NRK: variants seen among roughly 807,000 people sequenced by gnomAD.
NRK encodes nik-related protein kinase.
A neutral mutation model predicts 125.2 loss-of-function variants in NRK; 67 were observed. The observed-to-expected ratio is 0.54, with a 90% confidence interval of 0.44 to 0.66. The LOEUF is 0.66. Among genes scored for constraint, NRK ranks in the 30% least tolerant of loss-of-function variants. The probability of loss-of-function intolerance (pLI) is 0.00; values close to 1 mark genes in which losing one functional copy is unlikely to be tolerated. For missense variants in NRK, 1,224 were observed against 1,192.9 expected (o/e 1.03, Z -0.38); for synonymous variants, 458 against 429.0 (o/e 1.07, Z -0.84).
rs185704384 is a variant in NRK, at chrX:105,923,468, G to A, written c.2961G>A (p.Ala987=). ...VDDVNNNYYE[A]PSCPRASYGR... is the part of the protein sequence containing the mutation. Reference sequence around the variant, plus strand: ...ATGTAAATAATAATTATTATGAGGCGCCTAGTTGTCCAAGGTTGGTTTTTT... The same window carrying A: ...ATGTAAATAATAATTATTATGAGGCACCTAGTTGTCCAAGGTTGGTTTTTT... Residue 987 remains alanine (A), a synonymous_variant, in exon 18 of 29, where the codon GCG becomes GCA. Coordinates refer to ENST00000243300, the MANE Select transcript of NRK (RefSeq NM_198465.4). The A allele has an allele frequency of 2.2e-4, 244 of 1,125,155 alleles. No homozygotes were observed. The African/African-American group carries it at 3.9e-3, about 18-fold the overall frequency. The allele number at this position is 1,125,155 out of a possible 1,213,427, so 92.7% of individuals were successfully genotyped here. A position where few individuals can be genotyped will look rare whatever the true frequency, so the allele number is the denominator to read the frequency against.
rs779457216 is a variant in NRK, at chrX:105,874,316, C to A, written c.124-5883C>A. 4.5e-5 allele frequency among the ~76,000 whole-genome samples: 5 copies of A among 112,245 alleles called. No homozygotes were observed. The South Asian group carries it at 1.8e-3, about 41-fold the overall frequency. ...AAACAAAAGTGGAAATCTTCAAATGCTGTGTGCCCAAAGGAAGTAGGGGCT... is the reference window on the plus strand; with the variant it reads ...AAACAAAAGTGGAAATCTTCAAATGATGTGTGCCCAAAGGAAGTAGGGGCT... On this transcript the variant is annotated intron_variant, in intron 2 of 28. Coordinates refer to ENST00000243300, the MANE Select transcript of NRK (RefSeq NM_198465.4).
intron 5 of NRK, 71 bp from the exon 6 acceptor site, chrX:105,893,761 G>T (rs999709983): frequency 1.1e-5 from 7 of 623,008 alleles, no homozygotes; most frequent in Non-Finnish European, 1.8e-5. Flanking sequence ...CAAGCCATAT[G>T]GACTAAAACT....
intron 1 of NRK, among the ~76,000 whole-genome samples, chrX:105,825,765 T>G: frequency 9.0e-6 from 1 of 111,023 alleles, no homozygotes; most frequent in East Asian, 2.8e-4. Context: ...AGAGACAAAA[T>G]AAGAGAGCCA....
chrX:105,906,297 A>C, intron 10 of NRK, 117 bp from the exon 11 acceptor site: 1 of 374,523 alleles, frequency 2.7e-6, no homozygotes, highest in Middle Eastern at 4.1e-4. Flanking sequence ...GAAGACAATA[A>C]TACCTAAAGG....
chrX:105,853,583 C>G (rs1251808445), intron 2 of NRK, among the ~76,000 whole-genome samples: 1 of 111,882 alleles, frequency 8.9e-6, no homozygotes, highest in African/African-American at 3.3e-5. Context: ...CTTGAATATT[C>G]CAGGAAGGGG....
chrX:105,929,169 T>A (rs2040562285), intron 19 of NRK, among the ~76,000 whole-genome samples: 1 of 111,760 alleles, frequency 8.9e-6, no homozygotes, highest in Non-Finnish European at 1.9e-5. Flanking sequence ...TACTCTAGTG[T>A]TTGGTCCATA....
intron 20 of NRK, among the ~76,000 whole-genome samples, chrX:105,934,797 A>G (rs1201132046): frequency 4.5e-5 from 5 of 112,208 alleles, no homozygotes; most frequent in Non-Finnish European, 9.4e-5. Flanking sequence ...AAATACAATA[A>G]AAGGAAAGAA....
At chrX:105,891,800 A>C in intron 5 of NRK, among the ~76,000 whole-genome samples, 1 of 112,147 alleles carries the variant, frequency 8.9e-6, no homozygotes, top group South Asian at 3.7e-4. Context: ...ATAGACCTTC[A>C]GCTTAACTCT....
At chrX:105,852,535 G>A (rs2039485264) in intron 2 of NRK, among the ~76,000 whole-genome samples, 1 of 111,704 alleles carries the variant, frequency 9.0e-6, no homozygotes, top group African/African-American at 3.3e-5. Flanking sequence ...GTTGCTCTTT[G>A]GTTGGATAAC....
chrX:105,884,892 G>A (rs1161935417), intron 4 of NRK, among the ~76,000 whole-genome samples: 1 of 112,082 alleles, frequency 8.9e-6, no homozygotes, highest in Admixed American at 9.5e-5. Flanking sequence ...CTGGGTTCAA[G>A]TGGTTCTCCT....
At chrX:105,903,526 A>AT (rs1425900883) in intron 9 of NRK, among the ~76,000 whole-genome samples, 1 of 111,946 alleles carries the variant, frequency 8.9e-6, no homozygotes, top group East Asian at 2.8e-4. Flanking sequence ...AGATAATGTG[A>AT]TTTTTAAGGG....
intron 25 of NRK, 93 bp downstream of exon 25, chrX:105,946,108 T>C (rs2040809437): frequency 2.2e-6 from 2 of 895,636 alleles, no homozygotes; most frequent in Non-Finnish European, 3.1e-6. Flanking sequence ...ACTCAATATT[T>C]TGAAGCTATT....
At chrX:105,857,431 G>C (rs981249569) in intron 2 of NRK, among the ~76,000 whole-genome samples, 1 of 111,724 alleles carries the variant, frequency 9.0e-6, no homozygotes, top group Non-Finnish European at 1.9e-5. Flanking sequence ...AACCAATCAG[G>C]AGAGGAATAA....
chrX:105,829,764 G>C (rs956521690), intron 1 of NRK, among the ~76,000 whole-genome samples: 2 of 111,541 alleles, frequency 1.8e-5, no homozygotes, highest in African/African-American at 6.5e-5. Flanking sequence ...CAGGTATTTA[G>C]CAGATGCAAA....
chrX:105,862,525 G>A (rs920913044), intron 2 of NRK, among the ~76,000 whole-genome samples: 4 of 111,916 alleles, frequency 3.6e-5, no homozygotes. Context: ...TTTCCAAAAT[G>A]AAGAAATACA....
intron 2 of NRK, among the ~76,000 whole-genome samples, chrX:105,858,855 G>A (rs1230266904): frequency 8.9e-6 from 1 of 111,913 alleles, no homozygotes; most frequent in Non-Finnish European, 1.9e-5. Context: ...TTGAAGTGAT[G>A]TATCAGGTTG....
chrX:105,847,919 T>G (rs2039422568), intron 2 of NRK, among the ~76,000 whole-genome samples: 1 of 111,769 alleles, frequency 8.9e-6, no homozygotes, highest in Non-Finnish European at 1.9e-5. Flanking sequence ...TTCACAAAAC[T>G]AATGGGGACA....
chrX:105,914,234 T>A (rs968035454), intron 14 of NRK, among the ~76,000 whole-genome samples: 1 of 110,803 alleles, frequency 9.0e-6, no homozygotes, highest in Non-Finnish European at 1.9e-5. Flanking sequence ...ATACTAACAG[T>A]CCTCTGAAGT....
rs963119739 is a variant in NRK, at chrX:105,956,202, T to C, written c.*602T>C. 1 of 111,414 alleles carries C rather than the reference T, an allele frequency of 9.0e-6. No homozygotes were observed. Among genetic ancestry groups the C allele is most frequent in the Admixed American group, 9.6e-5 (1 of 10,376 alleles). The allele number at this position is 111,414 out of a possible 1,213,427, so 9.2% of individuals were successfully genotyped here. A position where few individuals can be genotyped will look rare whatever the true frequency, so the allele number is the denominator to read the frequency against. On this transcript the variant is annotated 3_prime_UTR_variant, in exon 29 of 29. Coordinates refer to ENST00000243300, the MANE Select transcript of NRK (RefSeq NM_198465.4). The stretch of plus-strand genomic sequence containing the variant: ...AATTAAGCCTACAGTTAAAGACCAG[T>C]TTTGTTCTTTTCACCCATTTTTAAG...
Sources: gnomAD v4.1 joint callset for allele counts (sites outside exome capture counted in the v4.1 genomes callset) on GRCh38, gnomAD v4.1.1 for gene constraint, MANE v1.5 for transcripts, NCBI Gene and HGNC (gene_info 2026-07-23, HGNC 2026-07-21) for gene names.